GALNTL6: variants seen among roughly 807,000 people sequenced by gnomAD.
GALNTL6 encodes polypeptide N-acetylgalactosaminyltransferase-like 6.
GALNTL6 carries 46 observed loss-of-function variants against 73.7 expected under a neutral mutation model. The observed-to-expected ratio is 0.62, with a 90% CI of 0.49 to 0.80. The LOEUF is 0.80. Among genes scored for constraint, GALNTL6 ranks in the 30% least tolerant of loss-of-function variants. GALNTL6 has a pLI of 0.00. For synonymous variants in GALNTL6, 259 were observed against 263.7 expected, an observed-to-expected ratio of 0.98 and a Z score of 0.17; for missense variants, 604 against 755.0, an observed-to-expected ratio of 0.80 and a Z score of 2.34.
intron 5 of GALNTL6, among the ~76,000 whole-genome samples, chr4:172,656,928 A>ATT (rs5864145): frequency 8.0e-5 from 12 of 150,562 alleles, no homozygotes; most frequent in East Asian, 1.9e-4. Context: ...GAAGGACATT[A>ATT]TTTTTTTTTT....
At chr4:172,072,092 G>T (rs1731560032) in intron 2 of GALNTL6, among the ~76,000 whole-genome samples, 1 of 152,098 alleles carries the variant, frequency 6.6e-6, no homozygotes, top group Admixed American at 6.6e-5. Context: ...TGGGCAGGTT[G>T]CTGCAGATTG....
intron 2 of GALNTL6, among the ~76,000 whole-genome samples, chr4:172,175,425 G>A (rs76586561): frequency 0.042 from 6,369 of 152,192 alleles, 424 homozygotes; most frequent in African/African-American, 0.14. Context: ...AGAGAGGTTA[G>A]CATTTGAGGA....
chr4:172,439,227 T>C (rs939205024), intron 5 of GALNTL6, among the ~76,000 whole-genome samples: 5 of 151,326 alleles, frequency 3.3e-5, no homozygotes, highest in African/African-American at 1.2e-4. Flanking sequence ...ACATTCTTTC[T>C]GTTTTTCTCA....
At chr4:172,398,692 A>G (rs963548558) in intron 5 of GALNTL6, among the ~76,000 whole-genome samples, 1 of 152,224 alleles carries the variant, frequency 6.6e-6, no homozygotes, top group Non-Finnish European at 1.5e-5. Context: ...TTGGTTCAAT[A>G]AACTATAATA....
chr4:172,260,081 G>A (rs938848214), intron 3 of GALNTL6, among the ~76,000 whole-genome samples: 13 of 151,186 alleles, frequency 8.6e-5, no homozygotes, highest in African/African-American at 2.9e-4. Flanking sequence ...GGCTTTTGCC[G>A]TTTTTTGGTT....
At chr4:172,922,620 T>G (rs1747852716) in intron 8 of GALNTL6, among the ~76,000 whole-genome samples, 1 of 152,186 alleles carries the variant, frequency 6.6e-6, no homozygotes, top group Non-Finnish European at 1.5e-5. Flanking sequence ...AAGGGGGCCC[T>G]GAGGTTGTGT....
intron 5 of GALNTL6, among the ~76,000 whole-genome samples, chr4:172,578,560 T>C (rs780956206): frequency 1.2e-4 from 19 of 152,252 alleles, no homozygotes; most frequent in Admixed American, 2.6e-4. Context: ...ACTTTTGCAA[T>C]AGCAGTGGCC....
Position 172,180,431 on chromosome 4 carries a change from G to C in GALNTL6, c.139-49225G>C, listed in dbSNP as rs558051577. Among the ~76,000 whole-genome samples, 6 of 151,006 alleles carry C rather than the reference G, an allele frequency of 4.0e-5. No individual in the cohort carries two copies. In the South Asian group the frequency reaches 6.3e-4, roughly 16 times the overall value. On this transcript the variant is annotated intron_variant, in intron 2 of 12. Coordinates refer to ENST00000506823, the MANE Select transcript of GALNTL6 (RefSeq NM_001034845.3). Reference sequence around the variant, plus strand: ...TTCTGGTGATAGTTTTTTTTTTGCTGTGCAGAAGCTCTTTATTTTAATTCG... The same window carrying C: ...TTCTGGTGATAGTTTTTTTTTTGCTCTGCAGAAGCTCTTTATTTTAATTCG...
intron 6 of GALNTL6, among the ~76,000 whole-genome samples, chr4:172,812,309 T>C (rs1741355735): frequency 6.6e-6 from 1 of 152,188 alleles, no homozygotes; most frequent in African/African-American, 2.4e-5. Flanking sequence ...CTCCACAATC[T>C]CTGGGGAAAC....
intron 7 of GALNTL6, among the ~76,000 whole-genome samples, chr4:172,871,355 C>T (rs1744919482): frequency 6.6e-6 from 1 of 152,108 alleles, no homozygotes; most frequent in Non-Finnish European, 1.5e-5. Flanking sequence ...GAATGTGCCC[C>T]AACAGAAACA....
chr4:172,614,819 G>T (rs1205394593), intron 5 of GALNTL6, among the ~76,000 whole-genome samples: 1 of 152,092 alleles, frequency 6.6e-6, no homozygotes, highest in African/African-American at 2.4e-5. Flanking sequence ...TACTGTCCTT[G>T]ACTTTCTGCT....
At chr4:171,869,612 A>G (rs1414711508) in intron 2 of GALNTL6, among the ~76,000 whole-genome samples, 1 of 152,166 alleles carries the variant, frequency 6.6e-6, no homozygotes, top group African/African-American at 2.4e-5. Flanking sequence ...ATAGAAGATT[A>G]TTGAGTCCAT....
At chr4:171,877,471 GC>G (rs1327805526) in intron 2 of GALNTL6, among the ~76,000 whole-genome samples, 1 of 152,164 alleles carries the variant, frequency 6.6e-6, no homozygotes, top group African/African-American at 2.4e-5. Flanking sequence ...ATCATGACAG[GC>G]CTTCATAGAA....
At chr4:172,420,602 T>C (rs116243014) in intron 5 of GALNTL6, among the ~76,000 whole-genome samples, 3,241 of 152,266 alleles carry the variant, frequency 0.021, 114 homozygotes, top group African/African-American at 0.074. Context: ...GAATGTCTCA[T>C]GTACTCTACA....
chr4:172,236,690 G>A (rs996525966), intron 3 of GALNTL6, among the ~76,000 whole-genome samples: 1 of 151,826 alleles, frequency 6.6e-6, no homozygotes, highest in Non-Finnish European at 1.5e-5. Flanking sequence ...TGGAATATTT[G>A]GTGATTTTTT....
intron 7 of GALNTL6, among the ~76,000 whole-genome samples, chr4:172,823,922 A>G (rs1438811319): frequency 1.3e-5 from 2 of 152,170 alleles, no homozygotes; most frequent in South Asian, 2.1e-4. Flanking sequence ...ACAAGATGCT[A>G]TGAGCATCTT....
chr4:172,198,235 A>G (rs1579243522), intron 2 of GALNTL6, among the ~76,000 whole-genome samples: 1 of 152,140 alleles, frequency 6.6e-6, no homozygotes, highest in Admixed American at 6.5e-5. Context: ...CAGCAAAAGC[A>G]AAAATTGACA....
chr4:172,008,459 C>CT (rs113131588), intron 2 of GALNTL6, among the ~76,000 whole-genome samples: 7,641 of 148,844 alleles, frequency 0.051, 594 homozygotes, highest in African/African-American at 0.17. Flanking sequence ...CATCAACTTT[C>CT]TTTTTTTTTT....
At chr4:172,811,638 G>A (rs1278104536) in intron 6 of GALNTL6, among the ~76,000 whole-genome samples, 2 of 152,016 alleles carry the variant, frequency 1.3e-5, no homozygotes, top group African/African-American at 4.8e-5. Context: ...CCATCCCTTG[G>A]TGCAGATTAA....
Sources: gnomAD v4.1 joint callset for allele counts (sites outside exome capture counted in the v4.1 genomes callset) on GRCh38, gnomAD v4.1.1 for gene constraint, MANE v1.5 for transcripts, NCBI Gene and HGNC (gene_info 2026-07-23, HGNC 2026-07-21) for gene names.